The following CAMKMT variants were observed in gnomAD, a reference collection of about 807,000 sequenced individuals.
The protein encoded by CAMKMT is CaM KMT.
In CAMKMT, 53 loss-of-function variants were observed where a neutral mutation model predicts 48.0. That is an observed-to-expected ratio of 1.10 (90% CI 0.89 to 1.39). CAMKMT has a LOEUF of 1.39. Among genes scored for constraint, CAMKMT ranks in the 40% most tolerant of loss-of-function variants. The pLI is 0.00. For synonymous variants in CAMKMT, 165 were observed against 152.3 expected (o/e 1.08, Z -0.61); for missense variants, 428 against 402.7 (o/e 1.06, Z -0.54).
chr2:44,575,336 C>A (rs943304455), intron 3 of CAMKMT, among the ~76,000 whole-genome samples: 21 of 147,074 alleles, frequency 1.4e-4, no homozygotes, highest in Admixed American at 6.9e-5. Flanking sequence ...ACCTCGGTAT[C>A]CCAAAATGCT....
At chr2:44,678,206 G>A (rs1008216207) in intron 3 of CAMKMT, among the ~76,000 whole-genome samples, 2 of 152,058 alleles carry the variant, frequency 1.3e-5, no homozygotes, top group Non-Finnish European at 2.9e-5. Flanking sequence ...TTTTAAATGC[G>A]TGAAAAAAGT....
chr2:44,691,214 C>T (rs760862873), intron 3 of CAMKMT, among the ~76,000 whole-genome samples: 10 of 152,160 alleles, frequency 6.6e-5, no homozygotes, highest in Non-Finnish European at 1.3e-4. Flanking sequence ...TGGCTATGAC[C>T]GCCGTGCATT....
chr2:44,736,822 T>A (rs768677381), intron 7 of CAMKMT, among the ~76,000 whole-genome samples: 4 of 152,230 alleles, frequency 2.6e-5, no homozygotes, highest in African/African-American at 9.6e-5. Context: ...TCAGGCATTG[T>A]AGTTTTCATC....
intron 3 of CAMKMT, among the ~76,000 whole-genome samples, chr2:44,445,645 G>GTTTTTT (rs869258613): frequency 1.9e-4 from 19 of 101,426 alleles, no homozygotes; most frequent in African/African-American, 2.6e-4. Flanking sequence ...CAAAAGGGTA[G>GTTTTTT]TTTTTTTTTT....
At chr2:44,380,634 A>G (rs1414695780) in intron 2 of CAMKMT, among the ~76,000 whole-genome samples, 2 of 152,226 alleles carry the variant, frequency 1.3e-5, no homozygotes, top group Non-Finnish European at 2.9e-5. Context: ...GTCATACTAT[A>G]TTGATAGCAG....
intron 3 of CAMKMT, among the ~76,000 whole-genome samples, chr2:44,450,244 T>C (rs545767450): frequency 6.6e-6 from 1 of 152,148 alleles, no homozygotes; most frequent in South Asian, 2.1e-4. Flanking sequence ...TAGCTGATCT[T>C]ACCAATGAGC....
chr2:44,703,986 C>T (rs1278782409), intron 3 of CAMKMT, among the ~76,000 whole-genome samples: 1 of 152,008 alleles, frequency 6.6e-6, no homozygotes, highest in Non-Finnish European at 1.5e-5. Context: ...ATGTGAAGTA[C>T]CATCAAAATT....
chr2:44,741,816 A>T (rs552733965), intron 7 of CAMKMT, among the ~76,000 whole-genome samples: 1 of 152,276 alleles, frequency 6.6e-6, no homozygotes, highest in Admixed American at 6.5e-5. Context: ...TCTTTGTTGA[A>T]CCAAGGGGCT....
chr2:44,413,900 T>G (rs1683380353), intron 3 of CAMKMT, among the ~76,000 whole-genome samples: 1 of 152,320 alleles, frequency 6.6e-6, no homozygotes, highest in East Asian at 1.9e-4. Flanking sequence ...ATTTTAGACC[T>G]CATTCAATAT....
chr2:44,491,478 A>G (rs1669503269), intron 3 of CAMKMT, among the ~76,000 whole-genome samples: 1 of 152,222 alleles, frequency 6.6e-6, no homozygotes, highest in Non-Finnish European at 1.5e-5. Flanking sequence ...AGGATATTTA[A>G]AAACTGAAGA....
At chr2:44,590,579 CCTT>C (rs1167502626) in intron 3 of CAMKMT, among the ~76,000 whole-genome samples, 1 of 152,134 alleles carries the variant, frequency 6.6e-6, no homozygotes, top group Non-Finnish European at 1.5e-5. Flanking sequence ...CTGTTCATGT[CCTT>C]CACCCACTTT....
intron 3 of CAMKMT, among the ~76,000 whole-genome samples, chr2:44,579,231 AT>A (rs11451478): frequency 4.6e-5 from 7 of 150,630 alleles, no homozygotes; most frequent in East Asian, 3.9e-4. Context: ...ATAATGTTCT[AT>A]TTTTTTTTTG....
At chr2:44,458,276 A>T (rs1312759623) in intron 3 of CAMKMT, among the ~76,000 whole-genome samples, 1 of 151,956 alleles carries the variant, frequency 6.6e-6, no homozygotes, top group African/African-American at 2.4e-5. Context: ...CGAACTCCTG[A>T]TCTCAAGTGA....
intron 3 of CAMKMT, among the ~76,000 whole-genome samples, chr2:44,592,248 A>AT (rs1036550679): frequency 6.6e-6 from 1 of 151,724 alleles, no homozygotes; most frequent in Non-Finnish European, 1.5e-5. Flanking sequence ...CTACGAATTC[A>AT]TTTTTTTTAT....
chr2:44,508,570 C>A (rs1255862716), intron 3 of CAMKMT, among the ~76,000 whole-genome samples: 1 of 82,238 alleles, frequency 1.2e-5, no homozygotes, highest in African/African-American at 4.6e-5. Flanking sequence ...GGTTCCAGTA[C>A]TGTGGCTAAA....
At chr2:44,640,375 C>G (rs1411548597) in intron 3 of CAMKMT, among the ~76,000 whole-genome samples, 1 of 152,190 alleles carries the variant, frequency 6.6e-6, no homozygotes. Context: ...CTGAGCTCCT[C>G]TGCCTGGATA....
intron 3 of CAMKMT, among the ~76,000 whole-genome samples, chr2:44,444,693 C>A (rs1173516464): frequency 1.3e-5 from 2 of 152,198 alleles, no homozygotes; most frequent in African/African-American, 4.8e-5. Context: ...GAGCAATTAT[C>A]CTGCAAATCC....
At chr2:44,703,876 G>C (rs1209841137) in intron 3 of CAMKMT, among the ~76,000 whole-genome samples, 1 of 150,942 alleles carries the variant, frequency 6.6e-6, no homozygotes, top group Non-Finnish European at 1.5e-5. Flanking sequence ...GTTTGCTCCT[G>C]TGTGTGATCG....
chr2:44,747,231 C>A (rs12473962), intron 8 of CAMKMT, among the ~76,000 whole-genome samples: 49,407 of 151,882 alleles, frequency 0.33, 8,847 homozygotes, highest in East Asian at 0.64. Flanking sequence ...TTTTTTTAGT[C>A]CTTTTTACTT....
Sources: gnomAD v4.1 joint callset for allele counts (sites outside exome capture counted in the v4.1 genomes callset) on GRCh38, gnomAD v4.1.1 for gene constraint, MANE v1.5 for transcripts, NCBI Gene and HGNC (gene_info 2026-07-23, HGNC 2026-07-21) for gene names.